Variants in CTBP2 observed in about 807,000 individuals in gnomAD.
The protein encoded by CTBP2 is C-terminal binding protein 2.
A neutral mutation model predicts 80.3 loss-of-function variants in CTBP2; 30 were observed. The ratio of observed to expected loss-of-function variants is 0.37; its 90% CI spans 0.28 to 0.51. The LOEUF (loss-of-function observed/expected upper bound fraction) is 0.51. CTBP2 is among the 20% of genes least tolerant of loss of function. The pLI is 0.93. For missense variants in CTBP2, 1,212 were observed against 1,375.3 expected (o/e 0.88, Z 1.88); for synonymous variants, 594 against 587.4 (o/e 1.01, Z -0.16).
chr10:125,112,430 G>A (rs1437703602), intron 1 of CTBP2, among the ~76,000 whole-genome samples: 6 of 92,348 alleles, frequency 6.5e-5, no homozygotes, highest in Non-Finnish European at 9.3e-5. Context: ...TACCTTTTTC[G>A]TTTTTTTTTT....
At chr10:125,073,756 T>C (rs1293515508) in intron 2 of CTBP2, among the ~76,000 whole-genome samples, 2 of 152,156 alleles carry the variant, frequency 1.3e-5, no homozygotes, top group Admixed American at 1.3e-4. Flanking sequence ...ATAGTGAAGT[T>C]CACCAGGACT....
chr10:125,071,118 G>A lies in CTBP2; in HGVS notation c.-101-31963C>T, dbSNP rs186383535. ...AGGCACATCCAGATGCTCCCGAGCCGTGTGCCAGGGCTGCCACGACCTCGT... is the reference window on the plus strand; with the variant it reads ...AGGCACATCCAGATGCTCCCGAGCCATGTGCCAGGGCTGCCACGACCTCGT... On this transcript the variant is annotated intron_variant, in intron 2 of 10. Transcript: ENST00000337195. Among the ~76,000 whole-genome samples, 23 of 152,202 alleles carry A rather than the reference G, an allele frequency of 1.5e-4. No individual in the cohort carries two copies. The East Asian group carries it at 2.5e-3, about 17-fold the overall frequency.
At chr10:125,025,251 T>A (rs538605179) in intron 1 of CTBP2, among the ~76,000 whole-genome samples, 61 of 152,332 alleles carry the variant, frequency 4.0e-4, no homozygotes, top group Admixed American at 8.5e-4. Flanking sequence ...ATTTACATTT[T>A]AAATTTGTGG....
chr10:125,005,949 G>A (rs1192761451), intron 1 of CTBP2: 7 of 1,493,540 alleles, frequency 4.7e-6, no homozygotes, highest in African/African-American at 4.2e-5. Flanking sequence ...GGAAAACCAC[G>A]CTGGGCGCAA....
intron 1 of CTBP2, chr10:125,006,124 T>A: frequency 1.4e-6 from 1 of 706,206 alleles, no homozygotes; most frequent in Non-Finnish European, 2.0e-6. Flanking sequence ...TTCTCCTTGG[T>A]GAAACCCACC....
intron 2 of CTBP2, among the ~76,000 whole-genome samples, chr10:125,058,647 T>C (rs1339555917): frequency 1.3e-5 from 2 of 151,810 alleles, no homozygotes; most frequent in African/African-American, 4.8e-5. Context: ...CAAAGATTAG[T>C]CAGGTGTGGT....
rs77909283 is a variant in CTBP2, at chr10:124,998,096, G to C, written c.2053C>G (p.Leu685Val). The change falls in exon 4 of 9, where the codon CTG (leucine) becomes GTG (valine). Residue 685 changes from leucine (L) to valine (V), a missense_variant. By Grantham distance (32) the Leu-to-Val change is conservative (BLOSUM62 1). Transcript: ENST00000309035. ...TACAGCCACGTGTTCCTCCGGTACA[G>C]GTTGAGGATGTGGCAGATGGTAGAG... 3 of 1,612,814 alleles carry C rather than the reference G, an allele frequency of 1.9e-6. No individual in the cohort carries two copies.
intron 1 of CTBP2, among the ~76,000 whole-genome samples, chr10:125,144,168 C>T (rs552003395): frequency 6.6e-6 from 1 of 152,266 alleles, no homozygotes; most frequent in Admixed American, 6.5e-5. Flanking sequence ...CCTTTCAACC[C>T]GGGGGACTCC....
At chr10:125,161,353 C>T (rs903051220), upstream of CTBP2, among the ~76,000 whole-genome samples, 1 of 152,034 alleles carries the variant, frequency 6.6e-6, no homozygotes, top group African/African-American at 2.4e-5. Flanking sequence ...GCTCCCCTGG[C>T]CCTTCATCCT....
intron 2 of CTBP2, among the ~76,000 whole-genome samples, chr10:125,082,697 C>T (rs1375840703): frequency 1.3e-5 from 2 of 149,170 alleles, no homozygotes; most frequent in African/African-American, 5.0e-5. Flanking sequence ...AAGTGATTTT[C>T]GTGCCTTAGC....
chr10:125,055,638 C>T (rs1304258962), intron 2 of CTBP2, among the ~76,000 whole-genome samples: 2 of 152,174 alleles, frequency 1.3e-5, no homozygotes, highest in African/African-American at 4.8e-5. Context: ...CTCACAAAGC[C>T]ACACCCCACA....
intron 2 of CTBP2, among the ~76,000 whole-genome samples, chr10:125,094,130 TAAAG>T (rs573907606): frequency 2.0e-5 from 3 of 152,078 alleles, no homozygotes; most frequent in Admixed American, 6.5e-5. Context: ...AATTAAAAGT[TAAAG>T]AAACAGAGGA....
In CTBP2 at chr10:125,066,131, T is replaced by C. The variant is rs1438046563; in HGVS notation, c.-101-26976A>G. Reference sequence around the variant, plus strand: ...GAACTCCCTCTAATGCTCAGGCTGATGTCCTAACACCCAGGACAACGTCTG... The same window carrying C: ...GAACTCCCTCTAATGCTCAGGCTGACGTCCTAACACCCAGGACAACGTCTG... On this transcript the variant is annotated intron_variant, in intron 2 of 10. Coordinates refer to the CTBP2 transcript ENST00000337195. The surrounding 1 kb of genome is among the most constrained non-coding windows in gnomAD (Gnocchi z 4.1). 6.6e-6 allele frequency among the ~76,000 whole-genome samples: 1 copy of C among 151,582 alleles called. No individual in the cohort carries two copies. Among genetic ancestry groups the C allele is most frequent in the Non-Finnish European group, 1.5e-5 (1 of 67,968 alleles).
chr10:125,077,588 C>A (rs1488690022), intron 2 of CTBP2, among the ~76,000 whole-genome samples: 2 of 152,200 alleles, frequency 1.3e-5, no homozygotes, highest in Non-Finnish European at 2.9e-5. Flanking sequence ...AATAAAGCCA[C>A]ATCCAACAGC....
intron 1 of CTBP2, among the ~76,000 whole-genome samples, chr10:125,022,484 AG>A (rs1271480924): frequency 7.2e-6 from 1 of 138,106 alleles, no homozygotes; most frequent in Non-Finnish European, 1.5e-5. Flanking sequence ...GCAGGGGTAC[AG>A]GTCAATGAGG....
intron 1 of CTBP2, among the ~76,000 whole-genome samples, chr10:125,132,588 C>T (rs992635562): frequency 3.3e-5 from 5 of 152,162 alleles, no homozygotes; most frequent in African/African-American, 1.2e-4. Context: ...CAGCTGTCTC[C>T]CAGCACACCC....
At chr10:125,144,338 C>A (rs541744868) in intron 1 of CTBP2, among the ~76,000 whole-genome samples, 1 of 152,164 alleles carries the variant, frequency 6.6e-6, no homozygotes, top group Non-Finnish European at 1.5e-5. Flanking sequence ...GGATCTCGCT[C>A]GATCATTAAT....
chr10:124,986,996 C>T lies in CTBP2; in HGVS notation c.*2522G>A. 1 of 151,664 alleles carries T rather than the reference C, an allele frequency of 6.6e-6. No homozygotes were observed. Among genetic ancestry groups the T allele is most frequent in the Admixed American group, 6.7e-5 (1 of 14,986 alleles). 9.4% of individuals were successfully genotyped at this position (151,664 alleles called of 1,614,324 possible). On this transcript the variant is annotated 3_prime_UTR_variant, in exon 9 of 9. Transcript: ENST00000309035. ...TATTTATTTATTATCAATCAGTGAC[C>T]CTGACCACATAGTGTGATAGGTGCA...
chr10:125,117,144 C>A (rs1853466664), intron 1 of CTBP2, among the ~76,000 whole-genome samples: 1 of 152,060 alleles, frequency 6.6e-6, no homozygotes, highest in South Asian at 2.1e-4. Flanking sequence ...CGCTCCCTGG[C>A]CTTCCCAACC....
Sources: gnomAD v4.1 joint callset for allele counts (sites outside exome capture counted in the v4.1 genomes callset) on GRCh38, gnomAD v4.1.1 for gene constraint, Gnocchi (gnomAD v3.1) non-coding constraint, MANE v1.5 for transcripts, NCBI Gene and HGNC (gene_info 2026-07-23, HGNC 2026-07-21) for gene names.